The following TMEM132B variants were observed in gnomAD, a reference collection of about 807,000 sequenced individuals.
TMEM132B encodes transmembrane protein 132B.
Under a neutral mutation model 90.8 loss-of-function variants are expected in TMEM132B, and 18 were observed. That is an observed-to-expected ratio of 0.20 (90% CI 0.14 to 0.29). The LOEUF is 0.29. Ranked by LOEUF, TMEM132B falls within the 10% of genes least tolerant of loss-of-function variation. The pLI, the probability that TMEM132B is intolerant of heterozygous loss-of-function variation, is 1.00. For synonymous variants in TMEM132B, 504 were observed against 523.3 expected, an observed-to-expected ratio of 0.96 and a Z score of 0.50; for missense variants, 1,096 against 1,326.8, an observed-to-expected ratio of 0.83 and a Z score of 2.70.
intron 1 of TMEM132B, among the ~76,000 whole-genome samples, chr12:125,223,510 A>C (rs1385094400): frequency 1.3e-5 from 2 of 152,366 alleles, no homozygotes; most frequent in Non-Finnish European, 2.9e-5. Context: ...GGTAAAATAC[A>C]CACAACATAA....
At chr12:125,579,528 A>G (rs893256404) in intron 4 of TMEM132B, among the ~76,000 whole-genome samples, 1 of 151,472 alleles carries the variant, frequency 6.6e-6, no homozygotes, top group Admixed American at 6.6e-5. Flanking sequence ...ACACCTGGCT[A>G]ATTTTTTATA....
chr12:125,590,736 T>C (rs1885296303), intron 5 of TMEM132B, among the ~76,000 whole-genome samples: 2 of 152,238 alleles, frequency 1.3e-5, no homozygotes, highest in African/African-American at 2.4e-5. Flanking sequence ...GTAACATTTA[T>C]TGAGCATTTA....
At position 125,349,902 on chromosome 12, in the gene TMEM132B, G is replaced by A; in HGVS notation, c.518G>A (p.Arg173Lys). The A allele has an allele frequency of 6.2e-7, 1 of 1,614,258 alleles. No homozygotes were observed. The highest frequency in any genetic ancestry group is 2.2e-5 in the East Asian group (1 of 44,888). Residue 173 changes from arginine to lysine, a missense_variant, in exon 2 of 9, where the codon AGG (arginine) becomes AAG (lysine). Arg to Lys is a conservative substitution (Grantham distance 26, BLOSUM62 2). Transcript: ENST00000682704. The surrounding 1 kb of genome is among the most constrained non-coding windows in gnomAD (Gnocchi z 4.1). ...AAGATGTTTGCTTTCCCTGAGGCCA[G>A]GGAAGTGGCAGCCAGCTGTCGGCTG... Reference protein sequence around the residue: ...CVKMFAFPEAREVAASCRLQG... With the variant: ...CVKMFAFPEAKEVAASCRLQG...
chr12:125,382,588 G>A (rs1878718107), intron 2 of TMEM132B, among the ~76,000 whole-genome samples: 1 of 152,138 alleles, frequency 6.6e-6, no homozygotes, highest in Non-Finnish European at 1.5e-5. Flanking sequence ...GACAAACTGA[G>A]ATGTAAACAA....
chr12:125,255,591 A>G (rs1189052420), intron 1 of TMEM132B, among the ~76,000 whole-genome samples: 2 of 152,210 alleles, frequency 1.3e-5, no homozygotes, highest in African/African-American at 4.8e-5. Flanking sequence ...TTGTTCAACA[A>G]TTAGTACAGT....
intron 2 of TMEM132B, among the ~76,000 whole-genome samples, chr12:125,360,801 T>A (rs1317285629): frequency 6.6e-6 from 1 of 151,640 alleles, no homozygotes; most frequent in African/African-American, 2.4e-5. Flanking sequence ...TAGGGCAGTA[T>A]GATCAAAGAA....
intron 1 of TMEM132B, among the ~76,000 whole-genome samples, chr12:125,315,975 A>T (rs1876259235): frequency 6.6e-6 from 1 of 152,102 alleles, no homozygotes; most frequent in Non-Finnish European, 1.5e-5. Flanking sequence ...GAAGATCAGC[A>T]TCCCCCCCTC....
intron 2 of TMEM132B, among the ~76,000 whole-genome samples, chr12:125,355,551 G>A (rs1283069431): frequency 6.6e-6 from 1 of 152,172 alleles, no homozygotes; most frequent in Non-Finnish European, 1.5e-5. Flanking sequence ...CTGCACGGTG[G>A]AAGATCAGAG....
intron 1 of TMEM132B, among the ~76,000 whole-genome samples, chr12:125,267,016 T>A (rs906187173): frequency 6.6e-6 from 1 of 152,214 alleles, no homozygotes; most frequent in Non-Finnish European, 1.5e-5. Context: ...CATTTGAATG[T>A]TAAACACTTG....
chr12:125,285,926 C>T (rs1027045111), intron 1 of TMEM132B, among the ~76,000 whole-genome samples: 4 of 152,212 alleles, frequency 2.6e-5, no homozygotes, highest in African/African-American at 9.6e-5. Context: ...TTTTAAGGTG[C>T]TTTCTGCGCC....
chr12:125,416,981 T>A (rs901034907), intron 3 of TMEM132B, among the ~76,000 whole-genome samples: 1 of 152,194 alleles, frequency 6.6e-6, no homozygotes, highest in East Asian at 1.9e-4. Flanking sequence ...TACCTCAAAG[T>A]GGCTGCTGCA....
intron 1 of TMEM132B, among the ~76,000 whole-genome samples, chr12:125,296,241 T>C (rs919245629): frequency 6.6e-6 from 1 of 152,236 alleles, no homozygotes; most frequent in Non-Finnish European, 1.5e-5. Flanking sequence ...GCCTATGCCC[T>C]GCTCTGGCCA....
At chr12:125,453,076 AACACACACACACAC>A (rs60350192) in intron 3 of TMEM132B, among the ~76,000 whole-genome samples, 4 of 143,790 alleles carry the variant, frequency 2.8e-5, no homozygotes, top group Admixed American at 1.4e-4. Flanking sequence ...ATTTCAGTAA[AACACACACACACAC>A]ACACACACAC....
chr12:125,453,222 T>G (rs1368580892), intron 3 of TMEM132B, among the ~76,000 whole-genome samples: 1 of 152,166 alleles, frequency 6.6e-6, no homozygotes, highest in Non-Finnish European at 1.5e-5. Context: ...GAGCATTTGG[T>G]GACCTTTTTG....
chr12:125,297,633 A>G (rs1875704829), intron 1 of TMEM132B, among the ~76,000 whole-genome samples: 1 of 152,212 alleles, frequency 6.6e-6, no homozygotes, highest in Admixed American at 6.5e-5. Context: ...GGAAGCAAGA[A>G]TTGAGATGCT....
intron 3 of TMEM132B, among the ~76,000 whole-genome samples, chr12:125,511,330 G>T (rs934728830): frequency 6.6e-6 from 1 of 152,088 alleles, no homozygotes; most frequent in Admixed American, 6.6e-5. Flanking sequence ...TTCACCTTTT[G>T]GGGGGGATGA....
intron 2 of TMEM132B, among the ~76,000 whole-genome samples, chr12:125,400,612 T>C (rs962214308): frequency 6.6e-6 from 1 of 152,204 alleles, no homozygotes; most frequent in African/African-American, 2.4e-5. Flanking sequence ...CTCTTTTCCA[T>C]GCCCTGTAAC....
intron 1 of TMEM132B, among the ~76,000 whole-genome samples, chr12:125,208,618 C>T (rs956304083): frequency 6.6e-6 from 1 of 152,170 alleles, no homozygotes; most frequent in South Asian, 2.1e-4. Flanking sequence ...TGCATGTGTC[C>T]GGACCGCATA....
At chr12:125,279,105 C>T (rs773413258) in intron 1 of TMEM132B, among the ~76,000 whole-genome samples, 1 of 152,192 alleles carries the variant, frequency 6.6e-6, no homozygotes, top group Non-Finnish European at 1.5e-5. Flanking sequence ...CATACCTTTG[C>T]CATCCCTGGA....
Sources: gnomAD v4.1 joint callset for allele counts (sites outside exome capture counted in the v4.1 genomes callset) on GRCh38, gnomAD v4.1.1 for gene constraint, Gnocchi (gnomAD v3.1) non-coding constraint, MANE v1.5 for transcripts, NCBI Gene and HGNC (gene_info 2026-07-23, HGNC 2026-07-21) for gene names.